Variants in PPP3R1 observed in about 807,000 individuals in gnomAD.
The protein encoded by PPP3R1 is protein phosphatase 3 regulatory subunit B, alpha.
Under a neutral mutation model 22.6 loss-of-function variants are expected in PPP3R1, and 5 were observed. The ratio of observed to expected loss-of-function variants is 0.22; its 90% CI spans 0.12 to 0.46. PPP3R1 has a LOEUF of 0.46. Ranked by LOEUF, PPP3R1 falls within the 20% of genes least tolerant of loss-of-function variation. The pLI, the probability that PPP3R1 is intolerant of heterozygous loss-of-function variation, is 0.99. For missense variants in PPP3R1, 61 were observed against 203.2 expected, an observed-to-expected ratio of 0.30 and a Z score of 4.25; for synonymous variants, 56 against 65.2, an observed-to-expected ratio of 0.86 and a Z score of 0.68.
At chr2:68,181,275 C>G (rs1674394889) in intron 5 of PPP3R1, among the ~76,000 whole-genome samples, 1 of 151,892 alleles carries the variant, frequency 6.6e-6, no homozygotes, top group East Asian at 1.9e-4. Context: ...TGCCTCTAGT[C>G]CCAGCTACTG....
At chr2:68,184,468 T>C (rs1379546010) in intron 5 of PPP3R1, among the ~76,000 whole-genome samples, 3 of 152,196 alleles carry the variant, frequency 2.0e-5, no homozygotes, top group Non-Finnish European at 4.4e-5. Flanking sequence ...TCATTGCATT[T>C]TATTGGAGTT....
At chr2:68,200,784 T>C (rs567584960) in intron 2 of PPP3R1, among the ~76,000 whole-genome samples, 4 of 152,202 alleles carry the variant, frequency 2.6e-5, no homozygotes, top group African/African-American at 4.8e-5. Context: ...CCACTCTAGA[T>C]TGATAAAAAT....
chr2:68,218,305 C>A lies in PPP3R1; in HGVS notation c.4-1174G>T, dbSNP rs573053132. Among the ~76,000 whole-genome samples the A allele has an allele frequency of 5.9e-5, 9 of 152,166 alleles. No individual in the cohort carries two copies. The East Asian group carries it at 1.5e-3, about 26-fold the overall frequency. On this transcript the variant is annotated intron_variant, in intron 1 of 5. Transcript: ENST00000234310. ...TTAAACTCCTCAACGTACCTTTAAT[C>A]TTATGTAAACTTAAAGGCTAATCAG...
At chr2:68,251,532 G>A (rs1420684115) in intron 1 of PPP3R1, among the ~76,000 whole-genome samples, 1 of 152,202 alleles carries the variant, frequency 6.6e-6, no homozygotes, top group Admixed American at 6.5e-5. Flanking sequence ...ACCCCGCAGG[G>A]CTGCGCACCG....
chr2:68,202,212 A>T (rs1030690567), intron 2 of PPP3R1, among the ~76,000 whole-genome samples: 1 of 152,186 alleles, frequency 6.6e-6, no homozygotes, highest in Admixed American at 6.5e-5. Context: ...TTTGTTACGC[A>T]GATAGCTAGA....
chr2:68,185,082 G>A (rs1216912672), intron 5 of PPP3R1, among the ~76,000 whole-genome samples: 4 of 152,038 alleles, frequency 2.6e-5, no homozygotes, highest in African/African-American at 9.7e-5. Context: ...AGCTGGGCCT[G>A]GTGGCATGTG....
rs565401825 is a variant in PPP3R1 at position 68,194,425 on chromosome 2, C to G, written c.44-5735G>C. Among the ~76,000 whole-genome samples, 5 of 152,146 alleles carry G rather than the reference C, an allele frequency of 3.3e-5. No individual in the cohort carries two copies. In the South Asian group the frequency reaches 8.3e-4, roughly 25 times the overall value. ...ACTTGCTTTTAGAGAGCTCATGTTG[C>G]TACACTAAATTTTAGTATTTTCAAC... On this transcript the variant is annotated intron_variant, in intron 2 of 5. Transcript: ENST00000234310.
chr2:68,218,437 G>A (rs2278790), intron 1 of PPP3R1, among the ~76,000 whole-genome samples: 61,802 of 151,782 alleles, frequency 0.41, 13,023 homozygotes, highest in South Asian at 0.62. Context: ...TTAATATTAG[G>A]TCACTTTAAA....
At chr2:68,193,166 AATGTGCCAGTGATCACATTTT>A (rs367707600) in intron 2 of PPP3R1, among the ~76,000 whole-genome samples, 4 of 152,174 alleles carry the variant, frequency 2.6e-5, no homozygotes, top group African/African-American at 9.6e-5. Flanking sequence ...AAGGCAAAGC[AATGTGCCAGTGATCACATTTT>A]ACCTTGACAA....
At chr2:68,215,289 T>TA (rs950463757) in intron 2 of PPP3R1, among the ~76,000 whole-genome samples, 10 of 150,550 alleles carry the variant, frequency 6.6e-5, no homozygotes, top group African/African-American at 2.4e-4. Context: ...AATAAAAGTT[T>TA]AAAAAAAAAC....
At chr2:68,234,665 G>C (rs1426791212) in intron 1 of PPP3R1, among the ~76,000 whole-genome samples, 1 of 152,160 alleles carries the variant, frequency 6.6e-6, no homozygotes, top group Non-Finnish European at 1.5e-5. Flanking sequence ...GACAGCTGAG[G>C]AGTAAAATGG....
At chr2:68,251,960 G>A (rs1173409113) in intron 1 of PPP3R1, among the ~76,000 whole-genome samples, 165 bp downstream of exon 1, 2 of 147,988 alleles carry the variant, frequency 1.4e-5, no homozygotes, top group East Asian at 2.0e-4. Flanking sequence ...CCGCCCCGCC[G>A]CCCTCTCCGG....
chr2:68,216,223 A>G (rs183154207), intron 2 of PPP3R1, among the ~76,000 whole-genome samples: 3 of 152,242 alleles, frequency 2.0e-5, no homozygotes, highest in Non-Finnish European at 4.4e-5. Context: ...TTACTGGGAT[A>G]TTAATACATG....
At chr2:68,214,313 C>T (rs1235089793) in intron 2 of PPP3R1, among the ~76,000 whole-genome samples, 1 of 152,112 alleles carries the variant, frequency 6.6e-6, no homozygotes, top group Non-Finnish European at 1.5e-5. Context: ...TAAAGAGCTT[C>T]TGCCAAAGAA....
intron 1 of PPP3R1, among the ~76,000 whole-genome samples, chr2:68,228,360 G>A (rs952586757): frequency 1.3e-5 from 2 of 152,072 alleles, no homozygotes; most frequent in Non-Finnish European, 2.9e-5. Flanking sequence ...TTGGATTTTG[G>A]TATCAAGGAA....
chr2:68,239,629 C>T (rs1188420480), intron 1 of PPP3R1, among the ~76,000 whole-genome samples: 1 of 151,910 alleles, frequency 6.6e-6, no homozygotes, highest in Non-Finnish European at 1.5e-5. Flanking sequence ...CTGAAAAATA[C>T]GAATGAATCA....
At chr2:68,212,549 C>T (rs1453850656) in intron 2 of PPP3R1, among the ~76,000 whole-genome samples, 7 of 152,212 alleles carry the variant, frequency 4.6e-5, no homozygotes, top group Non-Finnish European at 8.8e-5. Flanking sequence ...GGCATGAAAA[C>T]GTTACTCTCT....
At chr2:68,243,140 G>A (rs965437626) in intron 1 of PPP3R1, among the ~76,000 whole-genome samples, 1 of 152,066 alleles carries the variant, frequency 6.6e-6, no homozygotes, top group South Asian at 2.1e-4. Flanking sequence ...AAAACTCTAT[G>A]AGGAAGAACA....
intron 1 of PPP3R1, among the ~76,000 whole-genome samples, chr2:68,233,556 AC>A (rs1219851197): frequency 6.6e-6 from 1 of 152,186 alleles, no homozygotes; most frequent in Non-Finnish European, 1.5e-5. Context: ...TGCTTAGTAC[AC>A]TGTAAGCAAT....
Sources: allele counts gnomAD v4.1 joint callset (sites outside exome capture counted in the v4.1 genomes callset), GRCh38; gene constraint gnomAD v4.1.1; transcripts MANE v1.5; gene names NCBI Gene and HGNC (gene_info 2026-07-23, HGNC 2026-07-21).